Variants in PHF8 observed in about 807,000 individuals in gnomAD.
The protein encoded by PHF8 is histone lysine demethylase PHF8.
Under a neutral mutation model 74.4 loss-of-function variants are expected in PHF8, and 9 were observed. That is an observed-to-expected ratio of 0.12 (90% CI 0.07 to 0.21). The LOEUF (loss-of-function observed/expected upper bound fraction) is 0.21. PHF8 is among the 10% of genes least tolerant of loss of function. PHF8 has a pLI of 1.00. For synonymous variants in PHF8, 311 were observed against 316.6 expected (o/e 0.98, Z 0.19); for missense variants, 478 against 816.6 (o/e 0.59, Z 5.05).
chrX:54,023,738 G>C (rs1299695459), intron 2 of PHF8, among the ~76,000 whole-genome samples: 2 of 107,059 alleles, frequency 1.9e-5, no homozygotes, highest in Non-Finnish European at 3.9e-5. Context: ...TGAGCATGGA[G>C]GCTGAGCTGG....
chrX:54,042,450 G>A (rs1392985586), intron 2 of PHF8, among the ~76,000 whole-genome samples, 181 bp downstream of exon 2: 13 of 109,427 alleles, frequency 1.2e-4, no homozygotes, highest in Non-Finnish European at 5.7e-5. Context: ...GAAAACACAG[G>A]AAAAGGAGAA....
chrX:54,004,704 G>T (rs1211548490), intron 8 of PHF8, among the ~76,000 whole-genome samples: 1 of 111,111 alleles, frequency 9.0e-6, no homozygotes, highest in Non-Finnish European at 1.9e-5. Flanking sequence ...GCCGAGGTGG[G>T]TATATCACGA....
At position 54,011,115 on chromosome X, in the gene PHF8, G is replaced by T; in HGVS notation, c.946+7C>A. Reference sequence around the variant, plus strand: ...CCAAACCCTCCCAGAAGCACCCAAGGGAAGACCTGTGGGAATGAAAAGTGT... The same window carrying T: ...CCAAACCCTCCCAGAAGCACCCAAGTGAAGACCTGTGGGAATGAAAAGTGT... On this transcript the variant is annotated splice_region_variant and intron_variant, in intron 8 of 21. Transcript: ENST00000338154. The T allele has an allele frequency of 1.7e-6, 2 of 1,207,916 alleles. No homozygotes were observed. The highest frequency in any genetic ancestry group is 1.1e-6 in the Non-Finnish European group (1 of 892,151).
At chrX:54,040,486 T>C (rs1223754062) in intron 2 of PHF8, among the ~76,000 whole-genome samples, 1 of 112,038 alleles carries the variant, frequency 8.9e-6, no homozygotes, top group Non-Finnish European at 1.9e-5. Context: ...TATGATTAAA[T>C]AATTACTTTT....
chrX:54,046,685 G>T (rs782258799), upstream of PHF8, among the ~76,000 whole-genome samples: 1 of 110,447 alleles, frequency 9.1e-6, no homozygotes, highest in African/African-American at 3.3e-5. Context: ...ATTACGAAGA[G>T]AAGTGATACA....
At chrX:53,957,363 C>T (rs782234585) in intron 19 of PHF8, among the ~76,000 whole-genome samples, 110 of 106,608 alleles carry the variant, frequency 1.0e-3, no homozygotes, top group African/African-American at 3.6e-3. Flanking sequence ...AAACAAACAA[C>T]AAAAAAAATT....
upstream of PHF8, among the ~76,000 whole-genome samples, chrX:54,048,113 C>T (rs1285831866): frequency 1.8e-5 from 2 of 109,084 alleles, no homozygotes; most frequent in South Asian, 4.0e-4. Flanking sequence ...CGCGTGAACC[C>T]GGGAGGCAGA....
intron 18 of PHF8, among the ~76,000 whole-genome samples, chrX:53,972,750 CCT>C: frequency 9.0e-6 from 1 of 111,260 alleles, no homozygotes; most frequent in Admixed American, 9.7e-5. Context: ...ACAAGAATGC[CCT>C]CTCTCGCCAC....
At chrX:53,965,178 C>A (rs373787492) in intron 18 of PHF8, among the ~76,000 whole-genome samples, 1 of 111,615 alleles carries the variant, frequency 9.0e-6, no homozygotes, top group Non-Finnish European at 1.9e-5. Flanking sequence ...CACACACACA[C>A]GCACGCACAC....
chrX:53,986,980 T>C, intron 16 of PHF8, 98 bp downstream of exon 16: 1 of 534,682 alleles, frequency 1.9e-6, no homozygotes, highest in Non-Finnish European at 3.4e-6. Context: ...ATGCAAAGGA[T>C]GTCTTCCTCC....
chrX:54,046,734 G>GC (rs1175468457), upstream of PHF8, among the ~76,000 whole-genome samples: 1 of 111,003 alleles, frequency 9.0e-6, no homozygotes, highest in Non-Finnish European at 1.9e-5. Context: ...GGTGCAGATT[G>GC]CATGTCTGTA....
intron 7 of PHF8, among the ~76,000 whole-genome samples, 164 bp downstream of exon 7, chrX:54,014,213 C>T (rs1473863762): frequency 2.7e-5 from 3 of 111,705 alleles, no homozygotes; most frequent in African/African-American, 9.8e-5. Flanking sequence ...CCTCGGCCTC[C>T]CAAAGTGCTG....
chrX:54,017,737 C>G lies in PHF8; in HGVS notation c.378G>C (p.Leu126=), dbSNP rs782763069. ...TGCCCAACCCATCCTTCTTCAGGAC[C>G]AGGATGGGCACACTGAAGCTATTTT... ...LEENSFSVPI[L]VLKKDGLGMT... The change falls in exon 5 of 22, where the codon CTG becomes CTC. Residue 126 remains leucine, a synonymous_variant. Coordinates refer to ENST00000338154, the MANE Select transcript of PHF8 (RefSeq NM_015107.3). 4.2e-6 allele frequency: 5 copies of G among 1,204,461 alleles called. No individual in the cohort carries two copies. Among genetic ancestry groups the G allele is most frequent in the Non-Finnish European group, 5.6e-6 (5 of 888,971 alleles).
At position 53,972,280 on chromosome X, in the gene PHF8, G is replaced by A. The variant is rs1291213241; in HGVS notation, c.2444-9341C>T. On this transcript the variant is annotated intron_variant, in intron 18 of 21. Coordinates refer to ENST00000338154, the MANE Select transcript of PHF8 (RefSeq NM_015107.3). Reference sequence around the variant, plus strand: ...AGAGGTTGCAGTGAGCAGAGATCACGTCACTGCACTTCAGCCTGGTGACAG... The same window carrying A: ...AGAGGTTGCAGTGAGCAGAGATCACATCACTGCACTTCAGCCTGGTGACAG... Among the ~76,000 whole-genome samples the A allele has an allele frequency of 4.2e-5, 4 of 94,358 alleles. No homozygotes were observed. The East Asian group carries it at 1.0e-3, about 25-fold the overall frequency. 81.9% of individuals were successfully genotyped at this position (94,358 alleles called of 115,157 possible).
Position 54,040,031 on chromosome X carries a change from T to C in PHF8, c.98+2600A>G, listed in dbSNP as rs2066526554. ...TAGACTTAGGTGAGTTATATTTCCT[T>C]CTTTATTCTTTTTCTGTGTTTTCTA... On this transcript the variant is annotated intron_variant, in intron 2 of 21. Transcript: ENST00000338154. The C allele has an allele frequency of 3.6e-5, 4 of 112,669 alleles. No individual in the cohort carries two copies. The South Asian group carries it at 1.5e-3, about 41-fold the overall frequency. The allele number at this position is 112,669 out of a possible 1,213,427, so 9.3% of individuals were successfully genotyped here.
At chrX:54,040,212 C>T (rs1368262624) in intron 2 of PHF8, 1 of 112,190 alleles carries the variant, frequency 8.9e-6, no homozygotes, top group Non-Finnish European at 1.9e-5. Context: ...GCATTCATTC[C>T]TGTTCCCTGT....
At chrX:53,952,831 C>T (rs1352056506) in intron 19 of PHF8, among the ~76,000 whole-genome samples, 11 of 100,493 alleles carry the variant, frequency 1.1e-4, no homozygotes, top group Non-Finnish European at 2.0e-4. Context: ...TGCAGTGAGC[C>T]GAGCCGAGAT....
At chrX:54,037,837 T>C (rs888794129) in intron 2 of PHF8, among the ~76,000 whole-genome samples, 2 of 112,590 alleles carry the variant, frequency 1.8e-5, no homozygotes, top group Admixed American at 9.4e-5. Flanking sequence ...CAATAAACGA[T>C]AGCTATAACC....
intron 14 of PHF8, among the ~76,000 whole-genome samples, chrX:53,989,355 T>C (rs2065623210): frequency 1.8e-5 from 2 of 112,194 alleles, no homozygotes; most frequent in African/African-American, 3.2e-5. Flanking sequence ...ATAACAAATG[T>C]TGGCCAGTAA....
Sources: gnomAD v4.1 joint callset for allele counts (sites outside exome capture counted in the v4.1 genomes callset) on GRCh38, gnomAD v4.1.1 for gene constraint, MANE v1.5 for transcripts, NCBI Gene and HGNC (gene_info 2026-07-23, HGNC 2026-07-21) for gene names.